ERICH6: variants seen among roughly 807,000 people sequenced by gnomAD.
ERICH6 encodes the protein glutamate rich 6, also known as glutamate-rich protein 6.
In ERICH6, 71 loss-of-function variants were observed where a neutral mutation model predicts 71.0. The observed-to-expected ratio is 1.00, with a 90% confidence interval of 0.83 to 1.22. ERICH6 has a LOEUF of 1.22. ERICH6 is among the 50% of genes most tolerant of loss of function. The pLI is 0.00. For missense variants in ERICH6, 808 were observed against 797.2 expected (o/e 1.01, Z -0.16); for synonymous variants, 262 against 278.4 (o/e 0.94, Z 0.59).
intron 3 of ERICH6, among the ~76,000 whole-genome samples, chr3:150,686,941 C>T (rs1221507595): frequency 2.0e-5 from 3 of 152,050 alleles, no homozygotes; most frequent in African/African-American, 7.2e-5. Context: ...GAGGCCAAGG[C>T]GGGTGGATCA....
At chr3:150,670,541 T>C (rs1210736378) in intron 11 of ERICH6, among the ~76,000 whole-genome samples, 1 of 109,310 alleles carries the variant, frequency 9.1e-6, no homozygotes. Flanking sequence ...AAAAAGGAAA[T>C]GAAAAGCATC....
At chr3:150,679,813 A>AATTAGG (rs1711824619) in intron 9 of ERICH6, among the ~76,000 whole-genome samples, 1 of 152,048 alleles carries the variant, frequency 6.6e-6, no homozygotes, top group East Asian at 1.9e-4. Flanking sequence ...GCCTGCCACC[A>AATTAGG]TGCCCAGCTA....
intron 11 of ERICH6, among the ~76,000 whole-genome samples, chr3:150,672,662 T>C (rs1475132267): frequency 6.6e-6 from 1 of 151,918 alleles, no homozygotes; most frequent in Non-Finnish European, 1.5e-5. Flanking sequence ...TCTTTTTTTT[T>C]TTAATTGCTC....
chr3:150,665,950 C>T (rs1163339909), intron 13 of ERICH6, among the ~76,000 whole-genome samples: 1 of 151,694 alleles, frequency 6.6e-6, no homozygotes, highest in African/African-American at 2.4e-5. Context: ...TATTTGTATC[C>T]ATCTCTATGT....
chr3:150,698,930 C>A, intron 2 of ERICH6, 48 bp from the exon 3 acceptor site: 1 of 1,213,438 alleles, frequency 8.2e-7, no homozygotes, highest in South Asian at 1.3e-5. Context: ...TAGTTGTTAG[C>A]AGGTCTTCTA....
Position 150,666,946 on chromosome 3 carries a change from C to T in ERICH6, c.1569G>A (p.Trp523Ter). 1 of 1,614,078 alleles carries T rather than the reference C, an allele frequency of 6.2e-7. No homozygotes were observed. Among genetic ancestry groups the T allele is most frequent in the South Asian group, 1.1e-5 (1 of 91,084 alleles). Residue 523 changes from tryptophan (W) to a stop codon, truncating the protein, a stop_gained, in exon 13 of 14, where the codon TGG (tryptophan) becomes TGA (stop). Transcript: ENST00000295910. LOFTEE classifies it high-confidence loss of function. ...AGGGTGAGGAAGTGATGGAATTTGA[C>T]CAATTCCAAGCCCTTATTCTGTTGC... ...QAGNRIRAWNWSNSITSSPFV... is the reference protein window; with the variant it reads ...QAGNRIRAWN
intron 3 of ERICH6, among the ~76,000 whole-genome samples, chr3:150,694,964 C>G (rs1330758163): frequency 1.3e-5 from 2 of 152,188 alleles, no homozygotes; most frequent in African/African-American, 4.8e-5. Flanking sequence ...ATGGTGCCTT[C>G]TAGCTGTGTC....
intron 12 of ERICH6, among the ~76,000 whole-genome samples, 168 bp from the exon 13 acceptor site, chr3:150,667,183 T>C (rs1727455844): frequency 6.6e-6 from 1 of 152,232 alleles, no homozygotes; most frequent in Non-Finnish European, 1.5e-5. Context: ...GACTAAATTC[T>C]ACACGAATCT....
intron 9 of ERICH6, among the ~76,000 whole-genome samples, chr3:150,678,998 T>C (rs998151186): frequency 3.8e-5 from 5 of 132,610 alleles, no homozygotes; most frequent in African/African-American, 1.5e-4. Flanking sequence ...ATTGTGCCAC[T>C]GCATTACAGC....
chr3:150,681,050 C>A, intron 7 of ERICH6, 120 bp from the exon 8 acceptor site: 1 of 1,023,534 alleles, frequency 9.8e-7, no homozygotes, highest in South Asian at 2.2e-5. Flanking sequence ...CTGGTAATAG[C>A]TTTATTAAGA....
chr3:150,678,550 T>C lies in ERICH6; in HGVS notation c.1116A>G (p.Ser372=). 1 of 1,591,680 alleles carries C rather than the reference T, an allele frequency of 6.3e-7. No homozygotes were observed. ...GATAAGAAATTGTTTTTAAGCGCTTTGAATCTAGTGGGAAAAGAATCACAT... is the reference window on the plus strand; with the variant it reads ...GATAAGAAATTGTTTTTAAGCGCTTCGAATCTAGTGGGAAAAGAATCACAT... The part of the protein sequence containing the change: ...REQTHFSEDD[S]KRLKTISYQL... Residue 372 remains serine (S), a synonymous_variant, in exon 10 of 14, where the codon TCA becomes TCG. Transcript: ENST00000295910.
At chr3:150,687,205 C>T (rs149561322) in intron 3 of ERICH6, among the ~76,000 whole-genome samples, 4 of 152,318 alleles carry the variant, frequency 2.6e-5, no homozygotes, top group African/African-American at 4.8e-5. Flanking sequence ...CTGATAATCA[C>T]AACGCTGCTA....
intron 3 of ERICH6, among the ~76,000 whole-genome samples, chr3:150,688,632 C>T (rs532711925): frequency 4.5e-4 from 68 of 152,330 alleles, no homozygotes; most frequent in South Asian, 6.2e-4. Flanking sequence ...TTCAATGTCA[C>T]GCCTCTGCTC....
chr3:150,682,263 T>C lies in ERICH6; in HGVS notation c.837A>G (p.Arg279=). Residue 279 remains arginine (R), a synonymous_variant, in exon 7 of 14, where the codon AGA becomes AGG. Transcript: ENST00000295910. The stretch of plus-strand genomic sequence containing the variant: ...AAACATCCACATTAGAAAAAAATGC[T>C]CTTAGATCGCTGCCACAAAATTCAC... ...PKCEFCGSDL[R]AFFSNVDVSS... is the part of the protein sequence containing the mutation. 1 of 1,613,876 alleles carries C rather than the reference T, an allele frequency of 6.2e-7. No homozygotes were observed. The highest frequency in any genetic ancestry group is 8.5e-7 in the Non-Finnish European group (1 of 1,180,002).
chr3:150,669,269 G>A (rs1420702176), intron 12 of ERICH6, 27 bp downstream of exon 12: 1 of 1,551,428 alleles, frequency 6.4e-7, no homozygotes, highest in South Asian at 1.2e-5. Context: ...GCCACAAAAT[G>A]GCAGCAGCAG....
chr3:150,669,369 T>C lies in ERICH6; in HGVS notation c.1426A>G (p.Thr476Ala). 1 of 1,613,924 alleles carries C rather than the reference T, an allele frequency of 6.2e-7. No individual in the cohort carries two copies. The highest frequency in any genetic ancestry group is 8.5e-7 in the Non-Finnish European group (1 of 1,179,918). ...AGCACTGCTAGGATAGCAGGGTTAG[T>C]GGGCATATCTTCTTGGACTATACAA... ...FTCIVQEDMP[T>A]NPAILAVLDS... Residue 476 changes from threonine (T) to alanine (A), a missense_variant, in exon 12 of 14, where the codon ACT becomes GCT. Thr to Ala is a moderately conservative substitution (Grantham distance 58). Transcript: ENST00000295910.
chr3:150,699,797 G>A (rs1712796069), intron 2 of ERICH6, among the ~76,000 whole-genome samples: 1 of 149,838 alleles, frequency 6.7e-6, no homozygotes, highest in African/African-American at 2.4e-5. Flanking sequence ...CTGGTTCTTC[G>A]AAATTTCAAA....
At chr3:150,689,984 G>C (rs555020109) in intron 3 of ERICH6, among the ~76,000 whole-genome samples, 1 of 152,220 alleles carries the variant, frequency 6.6e-6, no homozygotes, top group South Asian at 2.1e-4. Flanking sequence ...TTTTAAGACA[G>C]GTGTAGTTTA....
chr3:150,666,808 G>C lies in ERICH6; in HGVS notation c.1707C>G (p.Ile569Met). The change falls in exon 13 of 14, where the codon ATC becomes ATG. Residue 569 changes from isoleucine (I) to methionine (M), a missense_variant. This residue lies in a region of ERICH6 where 736 missense variants were observed against 712.2 expected (regional missense o/e 1.03). Coordinates refer to ENST00000295910, the MANE Select transcript of ERICH6 (RefSeq NM_152394.5). ...CTACCTTCACTTTGGTTCCAACACTGATTCTTGCCTGTTGGCCCATTGCTA... is the reference window on the plus strand; with the variant it reads ...CTACCTTCACTTTGGTTCCAACACTCATTCTTGCCTGTTGGCCCATTGCTA... The part of the protein sequence containing the change: ...TFLAMGQQAR[I>M]SVGTKVKLPN... 6.2e-7 allele frequency: 1 copy of C among 1,614,070 alleles called. No individual in the cohort carries two copies. Among genetic ancestry groups the C allele is most frequent in the East Asian group, 2.2e-5 (1 of 44,864 alleles).
Sources: gnomAD v4.1 joint callset for allele counts (sites outside exome capture counted in the v4.1 genomes callset) on GRCh38, gnomAD v4.1.1 for gene constraint, gnomAD v4.1.1 regional missense constraint, MANE v1.5 for transcripts, NCBI Gene and HGNC (gene_info 2026-07-23, HGNC 2026-07-21) for gene names.